HAUS6: variants seen among roughly 807,000 people sequenced by gnomAD.
The protein encoded by HAUS6 is HAUS augmin-like complex subunit 6.
Under a neutral mutation model 106.8 loss-of-function variants are expected in HAUS6, and 80 were observed. That is an observed-to-expected ratio of 0.75 (90% CI 0.63 to 0.90). The LOEUF (loss-of-function observed/expected upper bound fraction) is 0.90, where lower values mean the gene tolerates loss of function less well. Among genes scored for constraint, HAUS6 ranks in the 40% least tolerant of loss-of-function variants. The pLI, the probability that HAUS6 is intolerant of heterozygous loss-of-function variation, is 0.00. For missense variants in HAUS6, 1,155 were observed against 1,118.1 expected, an observed-to-expected ratio of 1.03 and a Z score of -0.47; for synonymous variants, 356 against 379.1, an observed-to-expected ratio of 0.94 and a Z score of 0.71.
intron 2 of HAUS6, 122 bp downstream of exon 2, chr9:19,096,552 G>C: frequency 1.9e-6 from 1 of 533,186 alleles, no homozygotes; most frequent in South Asian, 2.2e-5. Context: ...ATGACGGAGT[G>C]AGACTCCGTC....
chr9:19,066,094 C>A (rs1381924473), intron 12 of HAUS6, among the ~76,000 whole-genome samples: 1 of 151,822 alleles, frequency 6.6e-6, no homozygotes, highest in South Asian at 2.1e-4. Context: ...GACCACCACA[C>A]CTGGCTAATT....
intron 7 of HAUS6, among the ~76,000 whole-genome samples, 169 bp from the exon 8 acceptor site, chr9:19,083,212 A>C (rs2131136624): frequency 6.6e-6 from 1 of 152,282 alleles, no homozygotes; most frequent in South Asian, 2.1e-4. Flanking sequence ...TTATTTCCAA[A>C]GGGAATTTTT....
At chr9:19,091,907 C>A (rs572896810) in intron 4 of HAUS6, among the ~76,000 whole-genome samples, 14 of 152,192 alleles carry the variant, frequency 9.2e-5, no homozygotes, top group Middle Eastern at 6.8e-3. Flanking sequence ...AGTGATCTGC[C>A]TACCTCAGCC....
chr9:19,091,389 C>T (rs7467137), intron 4 of HAUS6, among the ~76,000 whole-genome samples: 37,893 of 151,782 alleles, frequency 0.25, 5,468 homozygotes, highest in African/African-American at 0.4. Context: ...ACTCTGAACA[C>T]GTTGACTGGA....
At chr9:19,092,171 T>C (rs564137412) in intron 4 of HAUS6, among the ~76,000 whole-genome samples, 1 of 152,152 alleles carries the variant, frequency 6.6e-6, no homozygotes, top group South Asian at 2.1e-4. Flanking sequence ...AAAGTATCAG[T>C]TGTCGCCGGG....
At position 19,058,348 on chromosome 9, in the gene HAUS6, T is replaced by C. The variant is rs1398613680; in HGVS notation, c.2419A>G (p.Met807Val). The change falls in exon 16 of 17, where the codon ATG becomes GTG. Residue 807 changes from methionine (M) to valine (V), a missense_variant. Met to Val is a conservative substitution (Grantham distance 21). Coordinates refer to ENST00000380502, the MANE Select transcript of HAUS6 (RefSeq NM_017645.5). ...TCTTCTAGAAGAGTGCCACCATGCATAGGACTATTTGGCTCCAGTTTAAAA... is the reference window on the plus strand; with the variant it reads ...TCTTCTAGAAGAGTGCCACCATGCACAGGACTATTTGGCTCCAGTTTAAAA... ...ANFKLEPNSP[M>V]HGGTLLEDVV... 8.1e-6 allele frequency: 13 copies of C among 1,613,794 alleles called. No individual in the cohort carries two copies. The African/African-American group carries it at 1.6e-4, about 20-fold the overall frequency.
At chr9:19,059,039 C>G (rs1836547015) in intron 15 of HAUS6, 38 bp from the exon 16 acceptor site, 4 of 1,111,076 alleles carry the variant, frequency 3.6e-6, no homozygotes, top group African/African-American at 1.6e-5. Flanking sequence ...TACTAACATT[C>G]CCAAACATAG....
In HAUS6 at chr9:19,084,051, CA is replaced by C. The variant is rs35034404; in HGVS notation, c.700-1009del. Among the ~76,000 whole-genome samples the C allele has an allele frequency of 3.9e-3, 390 of 100,432 alleles. 2 individuals are homozygous for C. Among genetic ancestry groups the C allele is most frequent in the African/African-American group, 0.011 (316 of 30,036 alleles). The allele number at this position is 100,432 out of a possible 152,430, so 65.9% of individuals were successfully genotyped here. A position where few individuals can be genotyped will look rare whatever the true frequency, so the allele number is the denominator to read the frequency against. ...GGATCCCTTAAGCCCAGGATCCTTG[CA>C]AAAAAAAAAAAAAAAAGAATACTCA... On this transcript the variant is annotated intron_variant, in intron 7 of 16. Coordinates refer to ENST00000380502, the MANE Select transcript of HAUS6 (RefSeq NM_017645.5).
At chr9:19,095,990 G>C (rs145459046) in intron 2 of HAUS6, among the ~76,000 whole-genome samples, 2 of 152,076 alleles carry the variant, frequency 1.3e-5, no homozygotes, top group African/African-American at 4.8e-5. Context: ...AAAGTAGTAA[G>C]GCACAGAGTA....
chr9:19,086,412 A>G (rs1837297148), intron 7 of HAUS6, among the ~76,000 whole-genome samples: 2 of 151,870 alleles, frequency 1.3e-5, no homozygotes, highest in Admixed American at 1.3e-4. Flanking sequence ...TCTGAGCTCA[A>G]GAGTTCAAGA....
intron 14 of HAUS6, among the ~76,000 whole-genome samples, chr9:19,062,782 C>G (rs985185870): frequency 6.6e-6 from 1 of 152,222 alleles, no homozygotes; most frequent in African/African-American, 2.4e-5. Flanking sequence ...CCACCTCAGC[C>G]TCACCAGTAA....
intron 1 of HAUS6, among the ~76,000 whole-genome samples, chr9:19,099,358 G>A (rs945848639): frequency 6.6e-6 from 1 of 152,028 alleles, no homozygotes; most frequent in East Asian, 1.9e-4. Flanking sequence ...AGTAGAGATA[G>A]GGTTTCACCG....
intron 12 of HAUS6, 163 bp from the exon 13 acceptor site, chr9:19,063,743 C>T (rs1204720279): frequency 2.6e-6 from 2 of 757,634 alleles, no homozygotes; most frequent in South Asian, 2.7e-5. Context: ...GGCATGGTGA[C>T]AAGTAGAGCA....
In HAUS6 at chr9:19,102,529, G is replaced by A; in HGVS notation, c.123C>T (p.Leu41=). The A allele has an allele frequency of 4.3e-6, 7 of 1,613,550 alleles. No individual in the cohort carries two copies. The highest frequency in any genetic ancestry group is 5.9e-6 in the Non-Finnish European group (7 of 1,179,784). The change falls in exon 1 of 17, where the codon CTC becomes CTT. Residue 41 remains leucine, a synonymous_variant. Transcript: ENST00000380502. ...GCCGGCCCCGGCCTCCTTACACTCC[G>A]AGGTGCGTGTGCGACACGATCTTTC... The part of the protein sequence containing the change: ...ACGKIVSHTH[L]GVNMFDKLNR...
rs2131096411 is a variant in HAUS6, at chr9:19,058,780, C to T, written c.1987G>A (p.Glu663Lys). 6.2e-7 allele frequency: 1 copy of T among 1,614,150 alleles called. No individual in the cohort carries two copies. The highest frequency in any genetic ancestry group is 8.5e-7 in the Non-Finnish European group (1 of 1,180,010). ...LTEEKVISDC[E>K]CVPQKHVLTS... ...AGCACATGTTTCTGAGGCACACACT[C>T]GCAATCTGAAATAACTTTCTCTTCA... Residue 663 changes from glutamate (E) to lysine (K), a missense_variant, in exon 16 of 17, where the codon GAG becomes AAG. Physicochemically the swap from Glu to Lys is moderately conservative, Grantham distance 56. Around this residue, in one of 3 missense-constraint regions of HAUS6, gnomAD observed 380 missense variants for 394.8 expected, o/e 0.96. Transcript: ENST00000380502.
At chr9:19,084,082 A>G (rs1175757549) in intron 7 of HAUS6, among the ~76,000 whole-genome samples, 1 of 151,820 alleles carries the variant, frequency 6.6e-6, no homozygotes, top group African/African-American at 2.4e-5. Flanking sequence ...TACTCATAGA[A>G]TGTCTATTTG....
chr9:19,099,298 C>T (rs1817937430), intron 1 of HAUS6, among the ~76,000 whole-genome samples: 2 of 151,714 alleles, frequency 1.3e-5, no homozygotes, highest in African/African-American at 4.8e-5. Context: ...TCCCGAATAG[C>T]TGCGACTACA....
At position 19,090,580 on chromosome 9, in the gene HAUS6, A is replaced by G. The variant is rs192316951; in HGVS notation, c.437-1021T>C. Among the ~76,000 whole-genome samples, 1,014 of 152,216 alleles carry G rather than the reference A, an allele frequency of 6.7e-3. 10 individuals carry two copies. The highest frequency in any genetic ancestry group is 0.023 in the African/African-American group (939 of 41,564). Reference sequence around the variant, plus strand: ...GGGTTTCACCCTGTTAGCCAGGATGATCTTGATCTCCTGGCCTCATGATCC... The same window carrying G: ...GGGTTTCACCCTGTTAGCCAGGATGGTCTTGATCTCCTGGCCTCATGATCC... On this transcript the variant is annotated intron_variant, in intron 4 of 16. Coordinates refer to ENST00000380502, the MANE Select transcript of HAUS6 (RefSeq NM_017645.5).
intron 7 of HAUS6, among the ~76,000 whole-genome samples, chr9:19,084,635 CTTTTTTTTT>C (rs113235811): frequency 1.4e-5 from 2 of 138,834 alleles, no homozygotes; most frequent in East Asian, 2.1e-4. Context: ...TTTCTTTTTT[CTTTTTTTTT>C]TTTTTTGAAA....
Sources: allele counts gnomAD v4.1 joint callset (sites outside exome capture counted in the v4.1 genomes callset), GRCh38; gene constraint gnomAD v4.1.1; regional missense constraint gnomAD v4.1.1; transcripts MANE v1.5; gene names NCBI Gene and HGNC (gene_info 2026-07-23, HGNC 2026-07-21).